The following DMD variants were observed in gnomAD, a reference collection of about 807,000 sequenced individuals.
The protein encoded by DMD is mutant dystrophin.
DMD carries 63 observed loss-of-function variants against 330.1 expected under a neutral mutation model. That is an observed-to-expected ratio of 0.19 (90% CI 0.16 to 0.24). The LOEUF (loss-of-function observed/expected upper bound fraction) is 0.24. Ranked by LOEUF, DMD falls within the 10% of genes least tolerant of loss-of-function variation. The pLI is 1.00. For missense variants in DMD, 3,344 were observed against 2,684.1 expected (o/e 1.25, Z -5.43); for synonymous variants, 1,223 against 959.8 (o/e 1.27, Z -5.07).
Position 31,203,841 on chromosome X carries a change from A to G in DMD, c.9807+120T>C. The G allele has an allele frequency of 4.8e-6, 3 of 629,418 alleles. No individual in the cohort carries two copies. The South Asian group carries it at 7.9e-5, about 17-fold the overall frequency. The allele number at this position is 629,418 out of a possible 1,213,427, so 51.9% of individuals were successfully genotyped here. A position where few individuals can be genotyped will look rare whatever the true frequency, so the allele number is the denominator to read the frequency against. On this transcript the variant is annotated intron_variant, in intron 67 of 78. Coordinates refer to ENST00000357033, the MANE Select transcript of DMD (RefSeq NM_004006.3). ...TACTTACAGAGGTTCCAAATATCCC[A>G]AATCCCATACCTACTGCCTACTGAA...
intron 12 of DMD, among the ~76,000 whole-genome samples, chrX:32,609,824 TAA>T (rs773773032): frequency 5.1e-4 from 57 of 111,246 alleles, no homozygotes; most frequent in Admixed American, 3.8e-3. Context: ...TTGTAATTTG[TAA>T]AGTCTTTGTT....
chrX:33,068,693 A>C (rs1002392071), intron 1 of DMD, among the ~76,000 whole-genome samples: 9 of 112,396 alleles, frequency 8.0e-5, no homozygotes, highest in Non-Finnish European at 1.5e-4. Flanking sequence ...TAATCTTCCA[A>C]CATTTTTGGC....
chrX:33,259,381 G>A (rs1405905492), intron 1 of DMD, among the ~76,000 whole-genome samples: 1 of 110,157 alleles, frequency 9.1e-6, no homozygotes, highest in Non-Finnish European at 1.9e-5. Flanking sequence ...ACATGCTATA[G>A]GTTTGGGCAA....
chrX:32,588,672 C>T (rs1202521141), intron 13 of DMD, among the ~76,000 whole-genome samples: 1 of 111,623 alleles, frequency 9.0e-6, no homozygotes, highest in Admixed American at 9.5e-5. Context: ...GATGGAAGAG[C>T]GGTAAGACTG....
chrX:32,783,646 C>G (rs2075090962), intron 7 of DMD, among the ~76,000 whole-genome samples: 1 of 109,945 alleles, frequency 9.1e-6, no homozygotes, highest in African/African-American at 3.3e-5. Flanking sequence ...AATGTAACAA[C>G]TATTTACGTA....
At chrX:32,305,354 G>A (rs990433199) in intron 42 of DMD, among the ~76,000 whole-genome samples, 3 of 111,118 alleles carry the variant, frequency 2.7e-5, no homozygotes, top group Admixed American at 9.6e-5. Flanking sequence ...CTGAAGAATC[G>A]AAGACTAAAA....
At chrX:31,998,075 A>G (rs1280086193) in intron 44 of DMD, among the ~76,000 whole-genome samples, 1 of 111,440 alleles carries the variant, frequency 9.0e-6, no homozygotes, top group Non-Finnish European at 1.9e-5. Context: ...AACCCAGCAA[A>G]CGCAGAGTTA....
intron 2 of DMD, among the ~76,000 whole-genome samples, chrX:32,861,403 A>T (rs1194644218): frequency 8.9e-6 from 1 of 111,862 alleles, no homozygotes; most frequent in Non-Finnish European, 1.9e-5. Context: ...TAAATAAATT[A>T]CATTCCCTCC....
rs369157059 is a variant in DMD, at chrX:33,153,272, T to C, written c.31+58010A>G. ...TTAAAAATACAAAGTTAGCCGGGCA[T>C]GGTAGTGCATTGCCTATAATCCCAG... On this transcript the variant is annotated intron_variant, in intron 1 of 78. Coordinates refer to ENST00000357033, the MANE Select transcript of DMD (RefSeq NM_004006.3). 4.0e-4 allele frequency among the ~76,000 whole-genome samples: 45 copies of C among 112,311 alleles called. 1 individual carries two copies. In the South Asian group the frequency reaches 7.7e-3, roughly 19 times the overall value.
chrX:32,430,516 C>A (rs1414402561), intron 29 of DMD, among the ~76,000 whole-genome samples: 4 of 111,659 alleles, frequency 3.6e-5, no homozygotes, highest in Admixed American at 1.9e-4. Flanking sequence ...TAAACCTATT[C>A]ATCATCTCCA....
At chrX:32,469,406 T>C (rs1159677437) in intron 22 of DMD, among the ~76,000 whole-genome samples, 1 of 110,649 alleles carries the variant, frequency 9.0e-6, no homozygotes, top group Non-Finnish European at 1.9e-5. Context: ...GTACTTTATA[T>C]AAATTTTCAA....
At chrX:33,314,904 C>T (rs773914517) in intron 1 of DMD, among the ~76,000 whole-genome samples, 13 of 110,709 alleles carry the variant, frequency 1.2e-4, no homozygotes, top group African/African-American at 2.3e-4. Flanking sequence ...CTACAACTTC[C>T]GCCTCCTGGG....
chrX:31,390,923 C>A (rs896911483), intron 60 of DMD, among the ~76,000 whole-genome samples: 1 of 111,394 alleles, frequency 9.0e-6, no homozygotes, highest in Non-Finnish European at 1.9e-5. Context: ...TACCACTCAC[C>A]CCCTCAGTCA....
Position 32,849,763 on chromosome X carries a change from G to A in DMD, c.151C>T (p.Leu51=), listed in dbSNP as rs1319668585. The change falls in exon 3 of 79, where the codon CTA becomes TTA. Residue 51 remains leucine (L), a synonymous_variant. Transcript: ENST00000357033. ...FSDLQDGRRL[L]DLLEGLTGQK... ...CCTGTCAGGCCTTCGAGGAGGTCTA[G>A]GAGGCGCCTCCCATCCTGTAGGTCA... is the stretch of plus-strand genomic sequence containing the variant. The A allele has an allele frequency of 1.7e-6, 2 of 1,207,713 alleles. No homozygotes were observed. The highest frequency in any genetic ancestry group is 2.2e-6 in the Non-Finnish European group (2 of 894,005).
At chrX:32,844,203 G>A (rs1284302687) in intron 4 of DMD, among the ~76,000 whole-genome samples, 2 of 110,680 alleles carry the variant, frequency 1.8e-5, no homozygotes, top group Non-Finnish European at 3.8e-5. Context: ...TCAGGAGTTC[G>A]AGACTAGCCT....
intron 2 of DMD, among the ~76,000 whole-genome samples, chrX:33,010,363 C>CATATATAT (rs755223767): frequency 2.4e-4 from 25 of 103,680 alleles, no homozygotes; most frequent in African/African-American, 7.4e-4. Flanking sequence ...TATGTATATC[C>CATATATAT]ATATATATAT....
chrX:33,033,969 A>G (rs2094163063), intron 1 of DMD, among the ~76,000 whole-genome samples: 1 of 111,839 alleles, frequency 8.9e-6, no homozygotes, highest in Non-Finnish European at 1.9e-5. Context: ...TAGTCATTAC[A>G]AAAGACTTTA....
chrX:31,232,319 CTCTT>C (rs1272489446), intron 63 of DMD, among the ~76,000 whole-genome samples: 1 of 110,853 alleles, frequency 9.0e-6, no homozygotes, highest in Non-Finnish European at 1.9e-5. Flanking sequence ...TCATTTGTCT[CTCTT>C]TATCCCTGAA....
chrX:31,482,449 T>C (rs187160151), intron 57 of DMD, among the ~76,000 whole-genome samples: 8 of 111,204 alleles, frequency 7.2e-5, no homozygotes, highest in African/African-American at 1.3e-4. Flanking sequence ...TCTTGAGAGA[T>C]AGAAAAGGAA....
Sources: gnomAD v4.1 joint callset for allele counts (sites outside exome capture counted in the v4.1 genomes callset) on GRCh38, gnomAD v4.1.1 for gene constraint, MANE v1.5 for transcripts, NCBI Gene and HGNC (gene_info 2026-07-23, HGNC 2026-07-21) for gene names.